DMD: variants seen among roughly 807,000 people sequenced by gnomAD.
DMD encodes the protein mutant dystrophin.
DMD carries 63 observed loss-of-function variants against 330.1 expected under a neutral mutation model. The ratio of observed to expected loss-of-function variants is 0.19; its 90% confidence interval spans 0.16 to 0.24. DMD has a LOEUF of 0.24. Ranked by LOEUF, DMD falls within the 10% of genes least tolerant of loss-of-function variation. DMD has a pLI of 1.00. For synonymous variants in DMD, 1,223 were observed against 959.8 expected (o/e 1.27, Z -5.07); for missense variants, 3,344 against 2,684.1 (o/e 1.25, Z -5.43).
intron 67 of DMD, among the ~76,000 whole-genome samples, chrX:31,203,132 A>C (rs758541448): frequency 1.8e-5 from 2 of 108,472 alleles, no homozygotes; most frequent in Non-Finnish European, 3.8e-5. Context: ...AAATACAAAA[A>C]TTAGCTTGGG....
intron 19 of DMD, among the ~76,000 whole-genome samples, chrX:32,495,780 C>A (rs1366609823): frequency 9.2e-6 from 1 of 108,369 alleles, no homozygotes; most frequent in Non-Finnish European, 1.9e-5. Context: ...TTTAACTTTT[C>A]TAAGAGTTTG....
At chrX:31,322,069 A>G (rs2056469398) in intron 62 of DMD, among the ~76,000 whole-genome samples, 1 of 111,904 alleles carries the variant, frequency 8.9e-6, no homozygotes, top group Admixed American at 9.5e-5. Context: ...TAATAGCTTA[A>G]AGGTGTCTTG....
At chrX:32,542,664 C>A (rs1230599386) in intron 17 of DMD, among the ~76,000 whole-genome samples, 2 of 111,954 alleles carry the variant, frequency 1.8e-5, no homozygotes, top group Non-Finnish European at 3.8e-5. Context: ...GGGGCACTAG[C>A]TAATATAAAG....
At chrX:31,376,102 C>T (rs2059870682) in intron 60 of DMD, among the ~76,000 whole-genome samples, 1 of 111,999 alleles carries the variant, frequency 8.9e-6, no homozygotes, top group Non-Finnish European at 1.9e-5. Context: ...TCTCTTTAGA[C>T]TTTAGATTCT....
At chrX:32,416,313 G>T (rs1429643538) in intron 29 of DMD, among the ~76,000 whole-genome samples, 1 of 112,053 alleles carries the variant, frequency 8.9e-6, no homozygotes, top group Non-Finnish European at 1.9e-5. Flanking sequence ...GCTTATGCTT[G>T]CAAATGGATT....
intron 29 of DMD, among the ~76,000 whole-genome samples, chrX:32,419,832 A>G (rs987750827): frequency 9.0e-6 from 1 of 110,748 alleles, no homozygotes; most frequent in African/African-American, 3.3e-5. Context: ...GAATCATTTT[A>G]TCAATGGAAC....
chrX:33,093,247 C>T (rs2095110206), intron 1 of DMD, among the ~76,000 whole-genome samples: 2 of 112,155 alleles, frequency 1.8e-5, no homozygotes, highest in Admixed American at 1.9e-4. Context: ...TGCATAAGCT[C>T]TTTACTCCAA....
chrX:32,519,590 A>G (rs1288377046), intron 17 of DMD, among the ~76,000 whole-genome samples: 1 of 112,014 alleles, frequency 8.9e-6, no homozygotes, highest in African/African-American at 3.2e-5. Context: ...GATATAGCCC[A>G]TGATTTCAAT....
intron 51 of DMD, among the ~76,000 whole-genome samples, chrX:31,761,956 T>C (rs2089628586): frequency 8.9e-6 from 1 of 112,445 alleles, no homozygotes; most frequent in Non-Finnish European, 1.9e-5. Context: ...ATCCAAATTC[T>C]GTTCAGACTA....
intron 1 of DMD, among the ~76,000 whole-genome samples, chrX:33,071,538 AG>A (rs974960965): frequency 1.8e-5 from 2 of 111,467 alleles, no homozygotes; most frequent in African/African-American, 6.5e-5. Context: ...TTTATAAAGT[AG>A]TATAATTGTC....
rs1485334461 is a variant in DMD at position 31,721,673 on chromosome X, TCTCTCTCTCTCA to T, written c.7660+7946_7660+7957del. On this transcript the variant is annotated intron_variant, in intron 52 of 78. Coordinates refer to ENST00000357033, the MANE Select transcript of DMD (RefSeq NM_004006.3). Reference sequence around the variant, plus strand: ...ATATATTAGTATTATTACCAATCTCTCTCTCTCTCTCACTCTCTCTCTCTCTCTCTCTCTCTC... The same window carrying T: ...ATATATTAGTATTATTACCAATCTCTCTCTCTCTCTCTCTCTCTCTCTCTC... Among the ~76,000 whole-genome samples, 476 of 48,764 alleles carry T rather than the reference TCTCTCTCTCTCA, an allele frequency of 9.8e-3. 4 individuals carry two copies. The highest frequency in any genetic ancestry group is 0.059 in the African/African-American group (449 of 7,589). 42.3% of individuals were successfully genotyped at this position (48,764 alleles called of 115,157 possible).
intron 67 of DMD, among the ~76,000 whole-genome samples, chrX:31,195,737 AGAGG>A (rs777863779): frequency 2.9e-5 from 3 of 103,681 alleles, no homozygotes; most frequent in African/African-American, 1.1e-4. Flanking sequence ...GGGGACAGAG[AGAGG>A]GAGGGAGGGA....
chrX:32,979,525 T>G (rs1269944390), intron 2 of DMD, among the ~76,000 whole-genome samples: 1 of 111,278 alleles, frequency 9.0e-6, no homozygotes, highest in African/African-American at 3.3e-5. Flanking sequence ...GGAATAAAAT[T>G]ATAATCAACC....
chrX:32,820,508 A>G (rs1016005822), intron 5 of DMD, among the ~76,000 whole-genome samples: 1 of 112,249 alleles, frequency 8.9e-6, no homozygotes, highest in Admixed American at 9.4e-5. Context: ...ATTATCAGAC[A>G]TAATAGTCTT....
chrX:31,330,015 G>A (rs2057026781), intron 61 of DMD, among the ~76,000 whole-genome samples: 1 of 92,930 alleles, frequency 1.1e-5, no homozygotes, highest in Non-Finnish European at 2.1e-5. Context: ...TCCATCTCAT[G>A]TTGTGTTCTT....
chrX:32,070,351 C>T (rs992463260), intron 44 of DMD, among the ~76,000 whole-genome samples: 2 of 110,850 alleles, frequency 1.8e-5, no homozygotes, highest in African/African-American at 6.6e-5. Context: ...TCTGTGGAAA[C>T]CACCCATGGG....
chrX:32,859,804 C>T (rs777962232), intron 2 of DMD, among the ~76,000 whole-genome samples: 1 of 111,108 alleles, frequency 9.0e-6, no homozygotes, highest in South Asian at 3.8e-4. Context: ...ATTTTATATC[C>T]TAAGAACAAT....
intron 44 of DMD, among the ~76,000 whole-genome samples, chrX:32,207,051 T>TA (rs983880688): frequency 1.6e-4 from 18 of 111,127 alleles, no homozygotes; most frequent in South Asian, 3.8e-4. Context: ...TTTAATAAAG[T>TA]AAAAAAAATG....
intron 60 of DMD, among the ~76,000 whole-genome samples, chrX:31,361,667 T>A (rs2058941891): frequency 8.9e-6 from 1 of 111,742 alleles, no homozygotes; most frequent in South Asian, 3.8e-4. Context: ...ATTTGTGATA[T>A]AATCTTAATG....
Sources: allele counts gnomAD v4.1 joint callset (sites outside exome capture counted in the v4.1 genomes callset), GRCh38; gene constraint gnomAD v4.1.1; transcripts MANE v1.5; gene names NCBI Gene and HGNC (gene_info 2026-07-23, HGNC 2026-07-21).